RNLS: variants seen among roughly 807,000 people sequenced by gnomAD.
RNLS encodes renalase.
RNLS carries 39 observed loss-of-function variants against 39.8 expected under a neutral mutation model. That is an observed-to-expected ratio of 0.98 (90% confidence interval 0.76 to 1.28). RNLS has a LOEUF of 1.28. RNLS is among the 50% of genes most tolerant of loss of function. RNLS has a pLI of 0.00. For synonymous variants in RNLS, 147 were observed against 150.7 expected (o/e 0.98, Z 0.18); for missense variants, 410 against 413.3 (o/e 0.99, Z 0.07).
chr10:88,392,339 T>C (rs1055358178), intron 4 of RNLS, among the ~76,000 whole-genome samples: 2 of 152,202 alleles, frequency 1.3e-5, no homozygotes, highest in Admixed American at 1.3e-4. Context: ...TACTCAGTGC[T>C]ATCTGCATGC....
chr10:88,498,715 G>T (rs1383013199), intron 4 of RNLS, among the ~76,000 whole-genome samples: 1 of 151,810 alleles, frequency 6.6e-6, no homozygotes, highest in Non-Finnish European at 1.5e-5. Flanking sequence ...CAGATAGGAG[G>T]TGTCACTTCT....
chr10:88,194,893 T>TAAAAAA, the RNLS span, among the ~76,000 whole-genome samples: 138 of 152,346 alleles, frequency 9.1e-4, 1 homozygote, highest in Middle Eastern at 3.4e-3. Context: ...TTTCATATAA[T>TAAAAAA]AAAAAGTACT....
At chr10:88,419,263 G>A (rs1279765785) in intron 4 of RNLS, among the ~76,000 whole-genome samples, 1 of 152,226 alleles carries the variant, frequency 6.6e-6, no homozygotes, top group Admixed American at 6.5e-5. Context: ...TTCCTTCCAA[G>A]AAAGCTGATG....
intron 4 of RNLS, among the ~76,000 whole-genome samples, chr10:88,460,154 G>A (rs1025554127): frequency 6.6e-6 from 1 of 152,116 alleles, no homozygotes; most frequent in Admixed American, 6.6e-5. Context: ...TTGTCACCAT[G>A]AGATAATGTG....
At chr10:88,523,051 G>A (rs1846856039) in intron 4 of RNLS, among the ~76,000 whole-genome samples, 1 of 152,058 alleles carries the variant, frequency 6.6e-6, no homozygotes, top group South Asian at 2.1e-4. Context: ...TATTTAAACA[G>A]CTGTCCAGGG....
chr10:88,359,405 A>G (rs1431421330), intron 5 of RNLS, among the ~76,000 whole-genome samples: 1 of 152,220 alleles, frequency 6.6e-6, no homozygotes, highest in Non-Finnish European at 1.5e-5. Flanking sequence ...CATTTGTAGT[A>G]TGCGAATTCA....
intron 4 of RNLS, among the ~76,000 whole-genome samples, chr10:88,478,347 CA>C (rs1295418001): frequency 6.6e-6 from 1 of 152,074 alleles, no homozygotes; most frequent in Non-Finnish European, 1.5e-5. Flanking sequence ...ACATTTCTGT[CA>C]GATTCATCAT....
chr10:88,298,770 C>G lies in RNLS; in HGVS notation c.877-13264G>C, dbSNP rs537276281. On this transcript the variant is annotated intron_variant, in intron 6 of 6. Transcript: ENST00000331772. ...TTTGAAAAGAGAACGTGTGAGTCCT[C>G]TAACTTTGTTCTTTTTTTCAAGATT... 2.0e-5 allele frequency among the ~76,000 whole-genome samples: 3 copies of G among 152,232 alleles called. No individual in the cohort carries two copies. In the East Asian group the frequency reaches 5.8e-4, roughly 29 times the overall value.
chr10:88,295,125 G>T lies in RNLS; in HGVS notation c.877-9619C>A, dbSNP rs987544921. On this transcript the variant is annotated intron_variant, in intron 6 of 6. Transcript: ENST00000331772. ...AGTGAAGTAGAAATCATATACATAT[G>T]AAATATATTTGTTATATTATTAAGA... 7.2e-5 allele frequency among the ~76,000 whole-genome samples: 11 copies of T among 152,158 alleles called. No individual in the cohort carries two copies. In the South Asian group the frequency reaches 1.9e-3, roughly 26 times the overall value.
At chr10:88,528,706 A>T (rs966604202) in intron 4 of RNLS, among the ~76,000 whole-genome samples, 3 of 151,996 alleles carry the variant, frequency 2.0e-5, no homozygotes, top group Admixed American at 1.3e-4. Flanking sequence ...TACAAAAATT[A>T]GCTGGGCATG....
chr10:88,378,042 A>AT (rs1434957722), intron 4 of RNLS, among the ~76,000 whole-genome samples: 1 of 152,064 alleles, frequency 6.6e-6, no homozygotes, highest in Admixed American at 6.6e-5. Flanking sequence ...GCTTAGGTAT[A>AT]CACAGGGTCA....
intron 4 of RNLS, among the ~76,000 whole-genome samples, chr10:88,542,287 G>T (rs1848087197): frequency 6.6e-6 from 1 of 152,080 alleles, no homozygotes; most frequent in Non-Finnish European, 1.5e-5. Context: ...GGTGAAAAAA[G>T]AATGAAGTCC....
At chr10:88,533,474 G>A (rs2134249510) in intron 4 of RNLS, among the ~76,000 whole-genome samples, 1 of 152,264 alleles carries the variant, frequency 6.6e-6, no homozygotes, top group Admixed American at 6.5e-5. Context: ...TTAAAGGTCA[G>A]TTGAAATCAG....
chr10:88,511,904 AT>A (rs912609622), intron 4 of RNLS, among the ~76,000 whole-genome samples: 1 of 152,176 alleles, frequency 6.6e-6, no homozygotes, highest in African/African-American at 2.4e-5. Flanking sequence ...TTGAAATCCT[AT>A]TTTCGATGCC....
intron 4 of RNLS, among the ~76,000 whole-genome samples, chr10:88,375,833 G>C (rs1227310294): frequency 6.6e-6 from 1 of 152,094 alleles, no homozygotes; most frequent in Non-Finnish European, 1.5e-5. Context: ...GTATGCATGG[G>C]AGTCCCATAA....
chr10:88,224,579 C>T, the RNLS span, among the ~76,000 whole-genome samples: 1 of 152,160 alleles, frequency 6.6e-6, no homozygotes, highest in Non-Finnish European at 1.5e-5. Context: ...AATAACCCTC[C>T]TTCTTTCTTG....
chr10:88,559,555 A>G (rs997951393), intron 4 of RNLS, among the ~76,000 whole-genome samples: 25 of 152,138 alleles, frequency 1.6e-4, no homozygotes, highest in African/African-American at 5.3e-4. Context: ...TCCCAAATAT[A>G]AAATGAACAT....
chr10:88,228,140 G>T, the RNLS span, among the ~76,000 whole-genome samples: 1 of 152,026 alleles, frequency 6.6e-6, no homozygotes, highest in Non-Finnish European at 1.5e-5. Flanking sequence ...ACATGGTTTG[G>T]TCTTACTTAC....
chr10:88,310,753 C>T (rs1845297826), intron 6 of RNLS, among the ~76,000 whole-genome samples: 1 of 127,028 alleles, frequency 7.9e-6, no homozygotes, highest in Non-Finnish European at 1.6e-5. Flanking sequence ...CAGCTCTGAT[C>T]ATGCACTGCA....
Sources: gnomAD v4.1 joint callset for allele counts (sites outside exome capture counted in the v4.1 genomes callset) on GRCh38, gnomAD v4.1.1 for gene constraint, MANE v1.5 for transcripts, NCBI Gene and HGNC (gene_info 2026-07-23, HGNC 2026-07-21) for gene names.